Variants in PTPRN2 observed in about 807,000 individuals in gnomAD.
PTPRN2 encodes the protein protein tyrosine phosphatase receptor type N2, also known as receptor-type tyrosine-protein phosphatase N2.
A neutral mutation model predicts 118.8 loss-of-function variants in PTPRN2; 74 were observed. The ratio of observed to expected loss-of-function variants is 0.62; its 90% confidence interval spans 0.52 to 0.76. PTPRN2 has a LOEUF of 0.76. Among genes scored for constraint, PTPRN2 ranks in the 30% least tolerant of loss-of-function variants. The pLI is 0.00. For synonymous variants in PTPRN2, 641 were observed against 608.0 expected, an observed-to-expected ratio of 1.05 and a Z score of -0.80; for missense variants, 1,481 against 1,394.4, an observed-to-expected ratio of 1.06 and a Z score of -0.99.
chr7:157,741,120 C>T (rs574440335), intron 12 of PTPRN2, among the ~76,000 whole-genome samples: 3 of 152,324 alleles, frequency 2.0e-5, no homozygotes, highest in South Asian at 4.1e-4. Flanking sequence ...AGCCACCCCA[C>T]GCCTCCTTCC....
rs1457891535 is a variant in PTPRN2 at position 157,861,625 on chromosome 7, A to G, written c.1788+37048T>C. ...AAAGGACTCCAGACGGATGGGCTTG[A>G]AACAGTGGATGCCTGCAGTCTCACA... is the stretch of plus-strand genomic sequence containing the variant. On this transcript the variant is annotated intron_variant, in intron 12 of 22. Coordinates refer to ENST00000389418, the MANE Select transcript of PTPRN2 (RefSeq NM_002847.5). The surrounding 1 kb of genome is among the most constrained non-coding windows in gnomAD (Gnocchi z 5.8). Among the ~76,000 whole-genome samples the G allele has an allele frequency of 6.6e-6, 1 of 152,188 alleles. No homozygotes were observed. The highest frequency in any genetic ancestry group is 2.4e-5 in the African/African-American group (1 of 41,450).
intron 3 of PTPRN2, among the ~76,000 whole-genome samples, chr7:158,257,161 T>C (rs1797073481): frequency 6.6e-6 from 1 of 152,166 alleles, no homozygotes; most frequent in South Asian, 2.1e-4. Context: ...ATCCTCTGTC[T>C]ACCACCCAGG....
chr7:157,780,109 T>C lies in PTPRN2; in HGVS notation c.1789-97172A>G, dbSNP rs184543114. Among the ~76,000 whole-genome samples the C allele has an allele frequency of 6.6e-6, 1 of 152,196 alleles. No homozygotes were observed. The highest frequency in any genetic ancestry group is 1.5e-5 in the Non-Finnish European group (1 of 68,026). Reference sequence around the variant, plus strand: ...ATACTTTATAATTAGGGCTCACTAGTGACGAGCAAAAGCCCGTGAAACTGT... The same window carrying C: ...ATACTTTATAATTAGGGCTCACTAGCGACGAGCAAAAGCCCGTGAAACTGT... On this transcript the variant is annotated intron_variant, in intron 12 of 22. Transcript: ENST00000389418. The surrounding 1 kb of genome is among the most constrained non-coding windows in gnomAD (Gnocchi z 4.5).
chr7:158,359,334 T>A (rs904012943), intron 2 of PTPRN2, among the ~76,000 whole-genome samples: 4 of 152,240 alleles, frequency 2.6e-5, no homozygotes, highest in African/African-American at 9.6e-5. Flanking sequence ...ATGGATGTTT[T>A]TTCAAGAAAC....
At chr7:157,665,561 T>C (rs1295690039) in intron 13 of PTPRN2, among the ~76,000 whole-genome samples, 1 of 152,136 alleles carries the variant, frequency 6.6e-6, no homozygotes, top group African/African-American at 2.4e-5. Context: ...CCCACCAGGG[T>C]GTGGATGAAA....
chr7:158,074,168 G>A (rs947753492), intron 11 of PTPRN2, among the ~76,000 whole-genome samples: 9 of 152,174 alleles, frequency 5.9e-5, no homozygotes, highest in Non-Finnish European at 8.8e-5. Context: ...CCGTCACACC[G>A]TCAGCAAAAC....
At chr7:158,524,507 C>CGTCTGCCCTGGAGTGGA (rs1273949053) in intron 1 of PTPRN2, among the ~76,000 whole-genome samples, 2 of 133,608 alleles carry the variant, frequency 1.5e-5, no homozygotes, top group Admixed American at 7.3e-5. Flanking sequence ...GGAGTGGAGT[C>CGTCTGCCCTGGAGTGGA]GTCTGCCCTG....
intron 6 of PTPRN2, among the ~76,000 whole-genome samples, chr7:158,139,712 C>T: frequency 6.6e-6 from 1 of 152,102 alleles, no homozygotes; most frequent in East Asian, 1.9e-4. Context: ...ACACGCTCCA[C>T]ACATGAGAAT....
chr7:158,243,196 C>T (rs866900049), intron 3 of PTPRN2, among the ~76,000 whole-genome samples: 1 of 152,226 alleles, frequency 6.6e-6, no homozygotes, highest in East Asian at 1.9e-4. Flanking sequence ...TCAGCCTCAA[C>T]CTGTGATCAG....
At chr7:157,958,592 T>C (rs996504299) in intron 11 of PTPRN2, among the ~76,000 whole-genome samples, 1 of 152,158 alleles carries the variant, frequency 6.6e-6, no homozygotes, top group African/African-American at 2.4e-5. Flanking sequence ...TATACAGAAA[T>C]CATTTGTACT....
chr7:158,333,440 C>A (rs1425012029), intron 2 of PTPRN2, among the ~76,000 whole-genome samples: 1 of 147,230 alleles, frequency 6.8e-6, no homozygotes, highest in Non-Finnish European at 1.5e-5. Flanking sequence ...AGAGGTGACA[C>A]CTGCAGACGT....
chr7:158,375,586 C>T (rs544203339), intron 2 of PTPRN2, among the ~76,000 whole-genome samples: 10 of 152,356 alleles, frequency 6.6e-5, no homozygotes, highest in South Asian at 2.1e-4. Flanking sequence ...GCAAAGGCCC[C>T]GCCCTCAAGC....
At chr7:158,075,033 C>T (rs1563398663) in intron 11 of PTPRN2, among the ~76,000 whole-genome samples, 1 of 151,624 alleles carries the variant, frequency 6.6e-6, no homozygotes, top group Non-Finnish European at 1.5e-5. Flanking sequence ...TCTACCACAG[C>T]GTTGTGTTGT....
intron 12 of PTPRN2, among the ~76,000 whole-genome samples, chr7:157,786,155 G>A (rs1421634880): frequency 6.6e-6 from 1 of 152,210 alleles, no homozygotes; most frequent in Non-Finnish European, 1.5e-5. Flanking sequence ...CCAGCCCTGC[G>A]TGGGGTTCTC....
intron 11 of PTPRN2, among the ~76,000 whole-genome samples, chr7:157,965,932 C>A (rs1415043812): frequency 6.6e-6 from 1 of 152,206 alleles, no homozygotes; most frequent in Non-Finnish European, 1.5e-5. Flanking sequence ...CGCCTCTGTG[C>A]CCAGCACTTT....
intron 13 of PTPRN2, among the ~76,000 whole-genome samples, chr7:157,657,108 CCACACACATCACACATATA>C (rs1795541846): frequency 4.7e-5 from 3 of 63,908 alleles, no homozygotes; most frequent in South Asian, 9.9e-4. Context: ...CACACACACA[CCACACACATCACACATATA>C]CACACACATA....
chr7:158,231,825 G>A (rs1182143156), intron 3 of PTPRN2, among the ~76,000 whole-genome samples: 6 of 152,078 alleles, frequency 3.9e-5, no homozygotes, highest in Non-Finnish European at 7.4e-5. Flanking sequence ...AAGAACCCCA[G>A]AAACTACATA....
chr7:158,410,246 GCCTCTCCC>G (rs1813932312), intron 2 of PTPRN2, among the ~76,000 whole-genome samples: 1 of 152,172 alleles, frequency 6.6e-6, no homozygotes, highest in Non-Finnish European at 1.5e-5. Flanking sequence ...TCTCTAGAGA[GCCTCTCCC>G]GACACCAAAA....
At chr7:157,975,753 A>G (rs1401468587) in intron 11 of PTPRN2, among the ~76,000 whole-genome samples, 2 of 147,512 alleles carry the variant, frequency 1.4e-5, no homozygotes, top group Admixed American at 6.7e-5. Context: ...ATGTGAATTT[A>G]CCTTTTTTTT....
Sources: allele counts gnomAD v4.1 joint callset (sites outside exome capture counted in the v4.1 genomes callset), GRCh38; gene constraint gnomAD v4.1.1; non-coding constraint Gnocchi (gnomAD v3.1); transcripts MANE v1.5; gene names NCBI Gene and HGNC (gene_info 2026-07-23, HGNC 2026-07-21).